The following HEMK2 variants were observed in gnomAD, a reference collection of about 807,000 sequenced individuals.
HEMK2 encodes the protein methyltransferase HEMK2.
At chr21:28,873,106 T>G in the HEMK2 span, 2 of 152,188 alleles carry the variant, frequency 1.3e-5, no homozygotes, top group Non-Finnish European at 2.9e-5. Flanking sequence ...TAATTCCATC[T>G]AACACGATTA....
At chr21:28,757,933 T>C in the HEMK2 span, among the ~76,000 whole-genome samples, 1 of 152,328 alleles carries the variant, frequency 6.6e-6, no homozygotes, top group Non-Finnish European at 1.5e-5. Flanking sequence ...TTCCATCATT[T>C]TCTCAGTAAA....
the HEMK2 span, among the ~76,000 whole-genome samples, chr21:28,796,242 G>A: frequency 3.3e-5 from 5 of 152,050 alleles, no homozygotes; most frequent in South Asian, 4.1e-4. Context: ...CACTCTCTGC[G>A]ATTCTCCTGC....
the HEMK2 span, among the ~76,000 whole-genome samples, chr21:28,681,208 A>G: frequency 6.6e-6 from 1 of 152,240 alleles, no homozygotes; most frequent in African/African-American, 2.4e-5. Context: ...GCAAAGTCTC[A>G]GGATACAAAA....
chr21:28,776,764 A>C, the HEMK2 span, among the ~76,000 whole-genome samples: 1 of 152,174 alleles, frequency 6.6e-6, no homozygotes, highest in African/African-American at 2.4e-5. Context: ...TTGGAGTCCA[A>C]TGTTCAAGGG....
the HEMK2 span, among the ~76,000 whole-genome samples, chr21:28,654,395 T>G: frequency 6.6e-6 from 1 of 152,144 alleles, no homozygotes; most frequent in Non-Finnish European, 1.5e-5. Flanking sequence ...CTCTGCTTAG[T>G]TACTCACTTT....
the HEMK2 span, among the ~76,000 whole-genome samples, chr21:28,792,272 C>G: frequency 6.6e-6 from 1 of 152,160 alleles, no homozygotes; most frequent in Non-Finnish European, 1.5e-5. Context: ...TCTGTATGAA[C>G]ATAGCCTGTT....
chr21:28,585,329 CTAAATAAATAAA>C, the HEMK2 span, among the ~76,000 whole-genome samples: 1,334 of 141,394 alleles, frequency 9.4e-3, 24 homozygotes, highest in African/African-American at 0.032. Context: ...AAGACTCTGT[CTAAATAAATAAA>C]TAAATAAATA....
At chr21:28,659,245 TGTTC>T in the HEMK2 span, among the ~76,000 whole-genome samples, 1 of 152,150 alleles carries the variant, frequency 6.6e-6, no homozygotes, top group South Asian at 2.1e-4. Flanking sequence ...TGAAAAGCCT[TGTTC>T]TACATGATTT....
chr21:28,884,518 T>A, the HEMK2 span, among the ~76,000 whole-genome samples: 3 of 152,238 alleles, frequency 2.0e-5, no homozygotes, highest in Admixed American at 6.5e-5. Context: ...CAGTATTCAT[T>A]CCTTCTGCTA....
At chr21:28,824,404 T>C in the HEMK2 span, among the ~76,000 whole-genome samples, 4 of 152,190 alleles carry the variant, frequency 2.6e-5, no homozygotes, top group African/African-American at 9.7e-5. Context: ...CTTTGAAAAG[T>C]GTGTGTGTAT....
At chr21:28,718,689 G>T in the HEMK2 span, among the ~76,000 whole-genome samples, 26 of 150,910 alleles carry the variant, frequency 1.7e-4, no homozygotes, top group South Asian at 4.2e-4. Context: ...TTATATAATA[G>T]AATCACTACA....
At chr21:28,636,183 G>T in the HEMK2 span, among the ~76,000 whole-genome samples, 3 of 151,994 alleles carry the variant, frequency 2.0e-5, no homozygotes, top group East Asian at 1.9e-4. Flanking sequence ...AGGAAATTTT[G>T]CCTTCAAAAT....
chr21:28,728,909 C>T, the HEMK2 span, among the ~76,000 whole-genome samples: 4 of 152,220 alleles, frequency 2.6e-5, no homozygotes, highest in African/African-American at 9.7e-5. Flanking sequence ...GCAGTGCCCA[C>T]TCTCCACCCT....
the HEMK2 span, among the ~76,000 whole-genome samples, chr21:28,832,343 T>A: frequency 6.6e-6 from 1 of 152,158 alleles, no homozygotes; most frequent in Non-Finnish European, 1.5e-5. Context: ...TCAGGAGCAG[T>A]CTTGAGTGTG....
At chr21:28,877,058 GGGAA>G in the HEMK2 span, among the ~76,000 whole-genome samples, 5,459 of 26,006 alleles carry the variant, frequency 0.21, 999 homozygotes, top group South Asian at 0.42. Context: ...GAGGGAGGGA[GGGAA>G]GGAGGGAGGG....
the HEMK2 span, among the ~76,000 whole-genome samples, chr21:28,600,866 C>A: frequency 6.6e-6 from 1 of 152,164 alleles, no homozygotes. Flanking sequence ...AAAATGCCAC[C>A]AGTCTCTTTG....
the HEMK2 span, among the ~76,000 whole-genome samples, chr21:28,705,486 T>C: frequency 2.6e-5 from 4 of 152,188 alleles, no homozygotes; most frequent in East Asian, 1.9e-4. Context: ...ATAATATCTC[T>C]TGGCTTCTTC....
At chr21:28,861,491 T>C in the HEMK2 span, among the ~76,000 whole-genome samples, 1 of 152,206 alleles carries the variant, frequency 6.6e-6, no homozygotes, top group African/African-American at 2.4e-5. Context: ...CTCAATCAAT[T>C]TCCAGACTTG....
At chr21:28,630,758 A>G in the HEMK2 span, among the ~76,000 whole-genome samples, 3 of 122,134 alleles carry the variant, frequency 2.5e-5, no homozygotes, top group African/African-American at 3.2e-5. Context: ...GAAGGGGAAC[A>G]TCACATTCTG....
Sources: allele counts gnomAD v4.1 joint callset (sites outside exome capture counted in the v4.1 genomes callset), GRCh38; gene constraint gnomAD v4.1.1; transcripts MANE v1.5; gene names NCBI Gene and HGNC (gene_info 2026-07-23, HGNC 2026-07-21).